RAB3B: variants seen among roughly 807,000 people sequenced by gnomAD.
RAB3B encodes RAB3B, member RAS oncogene family.
Under a neutral mutation model 20.5 loss-of-function variants are expected in RAB3B, and 11 were observed. That is an observed-to-expected ratio of 0.54 (90% CI 0.34 to 0.89). RAB3B has a LOEUF of 0.89. Ranked by LOEUF, RAB3B falls within the 40% of genes least tolerant of loss-of-function variation. The pLI, the probability that RAB3B is intolerant of heterozygous loss-of-function variation, is 0.02. For synonymous variants in RAB3B, 99 were observed against 106.3 expected, an observed-to-expected ratio of 0.93 and a Z score of 0.42; for missense variants, 225 against 280.9, an observed-to-expected ratio of 0.80 and a Z score of 1.42.
chr1:51,947,326 G>A (rs1229797187), intron 2 of RAB3B, among the ~76,000 whole-genome samples: 1 of 152,020 alleles, frequency 6.6e-6, no homozygotes, highest in Admixed American at 6.5e-5. Context: ...AGGCCAGGAG[G>A]TGGAGGTTGC....
intron 2 of RAB3B, among the ~76,000 whole-genome samples, chr1:51,974,756 A>T (rs1471836964): frequency 2.6e-5 from 4 of 152,218 alleles, no homozygotes; most frequent in Admixed American, 2.6e-4. Context: ...TATCCTGCAA[A>T]ACAGGAGTGT....
intron 3 of RAB3B, among the ~76,000 whole-genome samples, chr1:51,934,949 A>AC (rs1684377417): frequency 1.3e-5 from 2 of 152,128 alleles, no homozygotes; most frequent in South Asian, 4.2e-4. Context: ...TTCCCCAAAG[A>AC]CCCCATCAGG....
At chr1:51,961,014 T>C (rs989332253) in intron 2 of RAB3B, among the ~76,000 whole-genome samples, 3 of 152,234 alleles carry the variant, frequency 2.0e-5, no homozygotes, top group African/African-American at 7.2e-5. Flanking sequence ...AATATTCTTC[T>C]ATTTTACAGC....
chr1:51,912,571 AT>A lies in RAB3B; in HGVS notation c.*7355del, dbSNP rs55703435. On this transcript the variant is annotated 3_prime_UTR_variant, in exon 5 of 5. Coordinates refer to ENST00000371655, the MANE Select transcript of RAB3B (RefSeq NM_002867.4). Reference sequence around the variant, plus strand: ...AAAAAAAAAATATATATATATATATATATATATATATATATATATATATATA... The same window carrying A: ...AAAAAAAAAATATATATATATATATAATATATATATATATATATATATATA... 1 of 75,040 alleles carries A rather than the reference AT, an allele frequency of 1.3e-5. No homozygotes were observed. Among genetic ancestry groups the A allele is most frequent in the Non-Finnish European group, 2.6e-5 (1 of 38,316 alleles). The allele number at this position is 75,040 out of a possible 1,614,324, so 4.6% of individuals were successfully genotyped here.
rs1307160054 is a variant in RAB3B, at chr1:51,914,549, T to C, written c.*5378A>G. ...TACTTGTATCCTGGCACATAATATA[T>C]ATTCATTTGTTGAGAAAATAAATGA... is the stretch of plus-strand genomic sequence containing the variant. On this transcript the variant is annotated 3_prime_UTR_variant, in exon 5 of 5. Coordinates refer to ENST00000371655, the MANE Select transcript of RAB3B (RefSeq NM_002867.4). 1.3e-5 allele frequency: 2 copies of C among 152,246 alleles called. No individual in the cohort carries two copies. The allele number at this position is 152,246 out of a possible 1,614,324, so 9.4% of individuals were successfully genotyped here. A position where few individuals can be genotyped will look rare whatever the true frequency, so the allele number is the denominator to read the frequency against.
chr1:51,930,567 A>G (rs1052177752), intron 4 of RAB3B, among the ~76,000 whole-genome samples: 4 of 152,120 alleles, frequency 2.6e-5, no homozygotes, highest in Admixed American at 6.6e-5. Flanking sequence ...GTTAAAAAAA[A>G]CACACACACA....
At chr1:51,977,156 C>T (rs777385503) in intron 1 of RAB3B, 39 bp from the exon 2 acceptor site, 15 of 1,517,714 alleles carry the variant, frequency 9.9e-6, no homozygotes, top group Admixed American at 3.4e-5. Context: ...AACAGACCTT[C>T]GGTGTCACCC....
chr1:51,971,028 A>G (rs907843317), intron 2 of RAB3B, among the ~76,000 whole-genome samples: 3 of 150,454 alleles, frequency 2.0e-5, no homozygotes, highest in Admixed American at 1.3e-4. Flanking sequence ...AAAAAAAAAA[A>G]AAAAAGAAAG....
At chr1:51,980,940 T>C in intron 1 of RAB3B, 1 of 357,270 alleles carries the variant, frequency 2.8e-6, no homozygotes, top group South Asian at 5.9e-5. Context: ...ATTTAAAAGG[T>C]AATACATACT....
At chr1:51,932,554 G>A (rs768263803) in intron 4 of RAB3B, among the ~76,000 whole-genome samples, 8 of 152,162 alleles carry the variant, frequency 5.3e-5, no homozygotes, top group East Asian at 1.9e-4. Context: ...TCAGGACACC[G>A]ATGAGCTACA....
At chr1:51,958,597 C>A (rs945663842) in intron 2 of RAB3B, among the ~76,000 whole-genome samples, 1 of 152,178 alleles carries the variant, frequency 6.6e-6, no homozygotes, top group Non-Finnish European at 1.5e-5. Context: ...GAGGCGCATG[C>A]CTGTAATCCC....
intron 2 of RAB3B, among the ~76,000 whole-genome samples, chr1:51,945,724 A>AT (rs1000286295): frequency 7.2e-5 from 11 of 152,228 alleles, no homozygotes; most frequent in Non-Finnish European, 1.2e-4. Flanking sequence ...TATATGTGTC[A>AT]TTTCCCATTC....
At chr1:51,946,075 G>A (rs1488628443) in intron 2 of RAB3B, among the ~76,000 whole-genome samples, 1 of 152,066 alleles carries the variant, frequency 6.6e-6, no homozygotes, top group Non-Finnish European at 1.5e-5. Context: ...TTAAGTAATT[G>A]AGCCTTAGTT....
intron 1 of RAB3B, among the ~76,000 whole-genome samples, chr1:51,985,285 T>A (rs534505932): frequency 5.3e-5 from 8 of 152,338 alleles, no homozygotes; most frequent in African/African-American, 1.9e-4. Context: ...TACAATTAAC[T>A]GTTTGCTCTC....
chr1:51,980,255 C>G (rs1349699951), intron 1 of RAB3B, among the ~76,000 whole-genome samples: 1 of 151,960 alleles, frequency 6.6e-6, no homozygotes, highest in African/African-American at 2.4e-5. Flanking sequence ...ATAGGGAGAC[C>G]CCATTTCTAC....
In RAB3B at chr1:51,989,853, G is replaced by C. The variant is rs146863064; in HGVS notation, c.-1+699C>G. 7.0e-3 allele frequency among the ~76,000 whole-genome samples: 706 copies of C among 101,334 alleles called. 12 individuals are homozygous for C. The South Asian group carries it at 0.092, about 13-fold the overall frequency. 66.5% of individuals were successfully genotyped at this position (101,334 alleles called of 152,430 possible). A position where few individuals can be genotyped will look rare whatever the true frequency, so the allele number is the denominator to read the frequency against. ...GTTACCCCCACGCCGGTCCCCAGCC[G>C]GGCTCAACCTCCGACCCCAGCTATC... On this transcript the variant is annotated intron_variant, in intron 1 of 4. Transcript: ENST00000371655.
chr1:51,970,108 A>G, intron 2 of RAB3B, among the ~76,000 whole-genome samples: 1 of 151,856 alleles, frequency 6.6e-6, no homozygotes, highest in East Asian at 1.9e-4. Flanking sequence ...CAAACAAACA[A>G]ACAAACAAAA....
At position 51,912,184 on chromosome 1, in the gene RAB3B, G is replaced by A. The variant is rs867880280; in HGVS notation, c.*7743C>T. The A allele has an allele frequency of 1.4e-5, 2 of 147,304 alleles. No homozygotes were observed. The highest frequency in any genetic ancestry group is 6.9e-5 in the Admixed American group (1 of 14,564). The allele number at this position is 147,304 out of a possible 1,614,324, so 9.1% of individuals were successfully genotyped here. A position where few individuals can be genotyped will look rare whatever the true frequency, so the allele number is the denominator to read the frequency against. On this transcript the variant is annotated 3_prime_UTR_variant, in exon 5 of 5. Transcript: ENST00000371655. Reference sequence around the variant, plus strand: ...CTGTCACCCAGGCTGGAGTGGCACAGTGTACAATCATGGCTATGGCTCACT... The same window carrying A: ...CTGTCACCCAGGCTGGAGTGGCACAATGTACAATCATGGCTATGGCTCACT...
chr1:51,927,945 G>A (rs939459434), intron 4 of RAB3B, among the ~76,000 whole-genome samples: 4 of 152,090 alleles, frequency 2.6e-5, no homozygotes, highest in African/African-American at 7.2e-5. Flanking sequence ...GCCCCTTTCC[G>A]AGGAGCACAT....
Sources: gnomAD v4.1 joint callset for allele counts (sites outside exome capture counted in the v4.1 genomes callset) on GRCh38, gnomAD v4.1.1 for gene constraint, MANE v1.5 for transcripts, NCBI Gene and HGNC (gene_info 2026-07-23, HGNC 2026-07-21) for gene names.